The following RNF130 variants were observed in gnomAD, a reference collection of about 807,000 sequenced individuals.
RNF130 encodes the protein ring finger protein 130, also known as E3 ubiquitin-protein ligase RNF130.
RNF130 carries 21 observed loss-of-function variants against 44.6 expected under a neutral mutation model. The ratio of observed to expected loss-of-function variants is 0.47; its 90% confidence interval spans 0.33 to 0.68. The LOEUF (loss-of-function observed/expected upper bound fraction) is 0.68, where lower values mean the gene tolerates loss of function less well. RNF130 is among the 30% of genes least tolerant of loss of function. The pLI is 0.02. For missense variants in RNF130, 479 were observed against 560.6 expected (o/e 0.85, Z 1.47); for synonymous variants, 214 against 210.4 (o/e 1.02, Z -0.15).
At chr5:180,025,928 T>C (rs1763974286) in intron 2 of RNF130, among the ~76,000 whole-genome samples, 1 of 152,208 alleles carries the variant, frequency 6.6e-6, no homozygotes, top group Non-Finnish European at 1.5e-5. Context: ...TATTCTACAA[T>C]GTGTTTGTGA....
intron 3 of RNF130, among the ~76,000 whole-genome samples, chr5:179,983,160 G>A (rs1198353136): frequency 6.6e-6 from 1 of 152,038 alleles, no homozygotes; most frequent in Non-Finnish European, 1.5e-5. Flanking sequence ...ATTTGATGAA[G>A]TCGATTAATC....
intron 2 of RNF130, among the ~76,000 whole-genome samples, chr5:180,013,577 A>G (rs566161217): frequency 7.8e-4 from 119 of 152,366 alleles, no homozygotes; most frequent in Middle Eastern, 3.4e-3. Flanking sequence ...TTGTCTGACA[A>G]CTACATTTTT....
chr5:180,000,434 A>C (rs1004167919), intron 3 of RNF130, among the ~76,000 whole-genome samples: 1 of 152,168 alleles, frequency 6.6e-6, no homozygotes, highest in Admixed American at 6.5e-5. Context: ...TGTTGTCCAT[A>C]TATCTCCGTA....
downstream of RNF130, among the ~76,000 whole-genome samples, chr5:179,953,843 T>G (rs1762162025): frequency 6.6e-6 from 1 of 152,074 alleles, no homozygotes; most frequent in Non-Finnish European, 1.5e-5. Flanking sequence ...TGTGAGAAAA[T>G]ATTTGCAAAT....
intron 7 of RNF130, among the ~76,000 whole-genome samples, chr5:179,934,592 G>C (rs1316938136): frequency 6.7e-6 from 1 of 149,434 alleles, no homozygotes; most frequent in Non-Finnish European, 1.5e-5. Flanking sequence ...TGTTGCCCAG[G>C]CTGGAGTACA....
At chr5:180,046,091 T>A (rs549912356) in intron 1 of RNF130, among the ~76,000 whole-genome samples, 31 of 152,284 alleles carry the variant, frequency 2.0e-4, no homozygotes, top group African/African-American at 7.2e-4. Flanking sequence ...GGGAGGCATC[T>A]GAGGCCCCAC....
chr5:179,962,389 ACAATGGGCAGT>A (rs1192092981), intron 8 of RNF130, among the ~76,000 whole-genome samples: 1 of 152,202 alleles, frequency 6.6e-6, no homozygotes, highest in Non-Finnish European at 1.5e-5. Context: ...CTATAGCCAG[ACAATGGGCAGT>A]CAATTACATC....
At chr5:180,059,378 G>T (rs1490613096) in intron 1 of RNF130, among the ~76,000 whole-genome samples, 1 of 152,156 alleles carries the variant, frequency 6.6e-6, no homozygotes, top group African/African-American at 2.4e-5. Context: ...TATGACCTGT[G>T]TAACGGTCTG....
chr5:179,919,005 T>G (rs1310490174), exon 8 of RNF130: 1 of 152,270 alleles, frequency 6.6e-6, no homozygotes, highest in Non-Finnish European at 1.5e-5. Flanking sequence ...TCGTTTGCTG[T>G]CGGATCTGAC....
intron 8 of RNF130, 26 bp from the exon 9 acceptor site, chr5:179,955,695 T>C (rs1322410082): frequency 6.4e-7 from 1 of 1,553,442 alleles, no homozygotes; most frequent in Non-Finnish European, 8.7e-7. Flanking sequence ...AAAAAAGAGG[T>C]CATAAATTAA....
chr5:179,966,368 A>C (rs1447870137), intron 7 of RNF130, among the ~76,000 whole-genome samples: 4 of 152,138 alleles, frequency 2.6e-5, no homozygotes, highest in Non-Finnish European at 5.9e-5. Flanking sequence ...AAGAACTGTG[A>C]ATTTTTAGGT....
At chr5:179,931,824 T>G (rs1761812323) in intron 7 of RNF130, among the ~76,000 whole-genome samples, 1 of 152,066 alleles carries the variant, frequency 6.6e-6, no homozygotes, top group African/African-American at 2.4e-5. Context: ...TAACTGTGAT[T>G]CAGGCCCCCC....
chr5:179,949,068 G>T (rs248329), intron 7 of RNF130, among the ~76,000 whole-genome samples: 16 of 151,002 alleles, frequency 1.1e-4, no homozygotes, highest in Non-Finnish European at 1.9e-4. Flanking sequence ...CGGGTTCAAG[G>T]GATTCTCCTG....
chr5:179,912,686 TGAAG>T (rs1347943363), exon 8 of RNF130: 2 of 152,276 alleles, frequency 1.3e-5, no homozygotes, highest in Non-Finnish European at 2.9e-5. Flanking sequence ...CTTACTCGCC[TGAAG>T]GAAGAGAAAT....
intron 1 of RNF130, among the ~76,000 whole-genome samples, chr5:180,041,396 G>A (rs934024896): frequency 6.6e-6 from 1 of 152,108 alleles, no homozygotes; most frequent in African/African-American, 2.4e-5. Context: ...CAAATTACAT[G>A]GCCACTGTTC....
At chr5:179,980,584 G>A (rs113082029) in intron 3 of RNF130, 63 of 184,774 alleles carry the variant, frequency 3.4e-4, no homozygotes, top group Non-Finnish European at 6.5e-4. Context: ...TTTGGATTCT[G>A]CTCAACGAAT....
chr5:179,949,268 T>C (rs1344652338), intron 7 of RNF130, among the ~76,000 whole-genome samples: 1 of 137,546 alleles, frequency 7.3e-6, no homozygotes, highest in Admixed American at 7.3e-5. Context: ...GCCCAGACAA[T>C]TTTTTTTTTT....
intron 3 of RNF130, among the ~76,000 whole-genome samples, chr5:179,992,898 C>CA (rs1280826729): frequency 1.3e-5 from 2 of 152,118 alleles, no homozygotes; most frequent in African/African-American, 4.8e-5. Context: ...TGACAGGCCC[C>CA]AGTGTGTGAT....
At chr5:180,018,949 C>A (rs1763806582) in intron 2 of RNF130, among the ~76,000 whole-genome samples, 1 of 152,198 alleles carries the variant, frequency 6.6e-6, no homozygotes, top group Non-Finnish European at 1.5e-5. Context: ...AATGAGCTGT[C>A]TGAGGCACCA....
Sources: gnomAD v4.1 joint callset for allele counts (sites outside exome capture counted in the v4.1 genomes callset) on GRCh38, gnomAD v4.1.1 for gene constraint, MANE v1.5 for transcripts, NCBI Gene and HGNC (gene_info 2026-07-23, HGNC 2026-07-21) for gene names.